The following XIRP2 variants were observed in gnomAD, a reference collection of about 807,000 sequenced individuals.
The protein encoded by XIRP2 is xin actin-binding repeat-containing protein 2.
In XIRP2, 236 loss-of-function variants were observed where a neutral mutation model predicts 277.0. The ratio of observed to expected loss-of-function variants is 0.85; its 90% CI spans 0.77 to 0.95. XIRP2 has a LOEUF of 0.95. Among genes scored for constraint, XIRP2 ranks in the 40% least tolerant of loss-of-function variants. XIRP2 has a pLI of 0.00. For synonymous variants in XIRP2, 1,490 were observed against 1,416.5 expected (o/e 1.05, Z -1.17); for missense variants, 4,640 against 4,157.5 (o/e 1.12, Z -3.19).
At chr2:166,903,403 G>A in intron 1 of XIRP2, 62 bp from the exon 2 acceptor site, 2 of 1,493,978 alleles carry the variant, frequency 1.3e-6, no homozygotes, top group Non-Finnish European at 1.8e-6. Context: ...AGAGTATTTT[G>A]AGTCTGAAAA....
Position 166,888,502 on chromosome 2 carries a change from G to A in XIRP2, c.-74G>A, listed in dbSNP as rs1279909214. The A allele has an allele frequency of 6.6e-6, 1 of 151,998 alleles. No homozygotes were observed. Among genetic ancestry groups the A allele is most frequent in the Non-Finnish European group, 1.5e-5 (1 of 68,028 alleles). 9.4% of individuals were successfully genotyped at this position (151,998 alleles called of 1,614,324 possible). ...AGGATTATTTGGAGAAATCTGGCAG[G>A]TCTCTAGGCAGACAAAAGGGAACAT... On this transcript the variant is annotated 5_prime_UTR_variant, in exon 1 of 11. Coordinates refer to ENST00000409195, the MANE Select transcript of XIRP2 (RefSeq NM_152381.6).
intron 7 of XIRP2, 65 bp from the exon 8 acceptor site, chr2:167,241,712 A>T: frequency 6.6e-7 from 1 of 1,523,230 alleles, no homozygotes; most frequent in Non-Finnish European, 8.8e-7. Flanking sequence ...GCCCAGCCAT[A>T]ATTTCTTCTT....
At chr2:167,026,595 G>A (rs996516566) in intron 2 of XIRP2, among the ~76,000 whole-genome samples, 1 of 152,174 alleles carries the variant, frequency 6.6e-6, no homozygotes, top group Non-Finnish European at 1.5e-5. Context: ...GCTGGTACCA[G>A]TTGTTCCTTT....
intron 2 of XIRP2, among the ~76,000 whole-genome samples, chr2:167,027,489 G>T (rs1464339709): frequency 6.6e-6 from 1 of 152,106 alleles, no homozygotes; most frequent in Non-Finnish European, 1.5e-5. Flanking sequence ...ATTGTCTGAA[G>T]CCTTCTTCTC....
chr2:166,896,958 A>G (rs1443995247), intron 1 of XIRP2, among the ~76,000 whole-genome samples: 1 of 152,206 alleles, frequency 6.6e-6, no homozygotes, highest in Non-Finnish European at 1.5e-5. Flanking sequence ...CATGCTGTAC[A>G]GCTGTTAGCC....
chr2:166,910,328 G>C (rs1011055892), intron 2 of XIRP2, among the ~76,000 whole-genome samples: 4 of 152,000 alleles, frequency 2.6e-5, no homozygotes, highest in African/African-American at 9.7e-5. Flanking sequence ...ACTTCTTCCT[G>C]GTTTAGTCTT....
chr2:167,155,521 A>G (rs139809707), intron 3 of XIRP2, among the ~76,000 whole-genome samples: 15,021 of 152,204 alleles, frequency 0.099, 797 homozygotes, highest in South Asian at 0.15. Context: ...ATAGATGCAT[A>G]AAAGGCCTTT....
chr2:166,942,572 T>C (rs933530740), intron 2 of XIRP2, among the ~76,000 whole-genome samples: 1 of 152,196 alleles, frequency 6.6e-6, no homozygotes, highest in African/African-American at 2.4e-5. Context: ...ATAAAAAATA[T>C]TGTGCAATCA....
At chr2:167,094,167 TG>T (rs1218014357) in intron 2 of XIRP2, among the ~76,000 whole-genome samples, 1 of 152,222 alleles carries the variant, frequency 6.6e-6, no homozygotes, top group African/African-American at 2.4e-5. Context: ...TGGGGTTGTT[TG>T]TTTTTTTCTT....
intron 2 of XIRP2, among the ~76,000 whole-genome samples, chr2:166,977,408 C>T (rs1338860564): frequency 2.0e-5 from 3 of 152,066 alleles, no homozygotes; most frequent in African/African-American, 4.8e-5. Flanking sequence ...TATATTTTCC[C>T]CAACATTTTT....
intron 2 of XIRP2, among the ~76,000 whole-genome samples, chr2:167,015,015 A>G: frequency 6.6e-6 from 1 of 151,726 alleles, no homozygotes; most frequent in Non-Finnish European, 1.5e-5. Context: ...CTCCTTTGCA[A>G]ACTAAAACAT....
intron 3 of XIRP2, among the ~76,000 whole-genome samples, chr2:167,176,440 C>T (rs1377420622): frequency 6.6e-6 from 1 of 152,172 alleles, no homozygotes; most frequent in Non-Finnish European, 1.5e-5. Flanking sequence ...GGAGCTGTTC[C>T]CATTCAACCA....
chr2:167,183,995 C>T (rs1693089320), intron 3 of XIRP2, among the ~76,000 whole-genome samples: 1 of 152,112 alleles, frequency 6.6e-6, no homozygotes, highest in South Asian at 2.1e-4. Context: ...CTGCAGGAAT[C>T]CCTGCTCTAT....
intron 2 of XIRP2, among the ~76,000 whole-genome samples, chr2:166,904,466 A>T (rs1684465529): frequency 6.6e-6 from 1 of 152,156 alleles, no homozygotes; most frequent in Admixed American, 6.5e-5. Context: ...TAGAGTCTGG[A>T]ATATTTTGTG....
chr2:166,903,035 T>C (rs1684421047), intron 1 of XIRP2, among the ~76,000 whole-genome samples: 1 of 152,128 alleles, frequency 6.6e-6, no homozygotes, highest in African/African-American at 2.4e-5. Context: ...CCAAAGGAAA[T>C]TTTGAACTGT....
intron 3 of XIRP2, among the ~76,000 whole-genome samples, chr2:167,153,312 A>C (rs1692068649): frequency 6.6e-6 from 1 of 152,158 alleles, no homozygotes; most frequent in Non-Finnish European, 1.5e-5. Context: ...GCAACATTGA[A>C]AAAGTTACTT....
rs749116113 is a variant in XIRP2, at chr2:167,246,897, G to A, written c.5505G>A (p.Glu1835=). ...CATTTGGTAAGATACCCAAAGAAGA[G>A]ATTATAAAAGGTGATTTGACATCAA... The part of the protein sequence containing the change: ...QSTFGKIPKE[E]IIKGDLTSTL... The change falls in exon 9 of 11, where the codon GAG becomes GAA. Residue 1835 remains glutamate (E), a synonymous_variant. Transcript: ENST00000409195. 6.2e-7 allele frequency: 1 copy of A among 1,613,388 alleles called. No individual in the cohort carries two copies. Among genetic ancestry groups the A allele is most frequent in the Non-Finnish European group, 8.5e-7 (1 of 1,179,770 alleles).
rs752829346 is a variant in XIRP2 at position 166,903,805 on chromosome 2, A to G, written c.323A>G (p.Glu108Gly). 1 of 1,613,722 alleles carries G rather than the reference A, an allele frequency of 6.2e-7. No homozygotes were observed. Among genetic ancestry groups the G allele is most frequent in the South Asian group, 1.1e-5 (1 of 91,076 alleles). Reference protein sequence around the residue: ...EDSLSSRRRIERFSIALDELR... With the variant: ...EDSLSSRRRIGRFSIALDELR... ...TCCCTGAGCAGTCGGCGCAGGATTG[A>G]ACGCTTTTCCATTGCCCTTGATGAG... is the stretch of plus-strand genomic sequence containing the variant. Residue 108 changes from glutamate (E) to glycine (G), a missense_variant, in exon 2 of 11, where the codon GAA (glutamate) becomes GGA (glycine). By Grantham distance (98) the Glu-to-Gly change is moderately conservative. Coordinates refer to ENST00000409195, the MANE Select transcript of XIRP2 (RefSeq NM_152381.6).
intron 2 of XIRP2, among the ~76,000 whole-genome samples, chr2:166,927,463 A>G (rs1685219027): frequency 1.3e-5 from 2 of 151,974 alleles, no homozygotes; most frequent in South Asian, 2.1e-4. Context: ...TCTAAGGGAG[A>G]TTCTTTTTCT....
Sources: allele counts gnomAD v4.1 joint callset (sites outside exome capture counted in the v4.1 genomes callset), GRCh38; gene constraint gnomAD v4.1.1; transcripts MANE v1.5; gene names NCBI Gene and HGNC (gene_info 2026-07-23, HGNC 2026-07-21).